PHKB: variants seen among roughly 807,000 people sequenced by gnomAD.
The protein encoded by PHKB is phosphorylase kinase regulatory subunit beta, also known as phosphorylase b kinase regulatory subunit beta.
PHKB carries 122 observed loss-of-function variants against 152.1 expected under a neutral mutation model. That is an observed-to-expected ratio of 0.80 (90% CI 0.69 to 0.93). The LOEUF is 0.93. Ranked by LOEUF, PHKB falls within the 40% of genes least tolerant of loss-of-function variation. PHKB has a pLI of 0.00. For synonymous variants in PHKB, 436 were observed against 464.9 expected (o/e 0.94, Z 0.80); for missense variants, 1,304 against 1,328.4 (o/e 0.98, Z 0.29).
intron 24 of PHKB, 29 bp from the exon 25 acceptor site, chr16:47,664,856 C>G: frequency 6.7e-7 from 1 of 1,496,096 alleles, no homozygotes; most frequent in Non-Finnish European, 9.3e-7. Flanking sequence ...TCTATTTTCC[C>G]TTTTATGGCT....
At chr16:47,530,595 C>A (rs1350649368) in intron 6 of PHKB, among the ~76,000 whole-genome samples, 1 of 152,098 alleles carries the variant, frequency 6.6e-6, no homozygotes, top group Non-Finnish European at 1.5e-5. Flanking sequence ...GAAATGAATT[C>A]TTAGATAAAC....
chr16:47,503,217 T>C (rs924960997), intron 4 of PHKB, 127 bp downstream of exon 4: 2 of 736,348 alleles, frequency 2.7e-6, no homozygotes, highest in Non-Finnish European at 4.8e-6. Flanking sequence ...TAGGGCGGCC[T>C]AGATAGGTTA....
At chr16:47,510,147 G>T (rs117830270) in intron 4 of PHKB, among the ~76,000 whole-genome samples, 1 of 152,310 alleles carries the variant, frequency 6.6e-6, no homozygotes, top group Non-Finnish European at 1.5e-5. Flanking sequence ...TATCTGGGGT[G>T]CATTACCCTC....
intron 7 of PHKB, among the ~76,000 whole-genome samples, chr16:47,576,421 A>G (rs1177044803): frequency 6.6e-6 from 1 of 152,200 alleles, no homozygotes; most frequent in African/African-American, 2.4e-5. Context: ...TCATGGTGAT[A>G]ATTCAGCTTA....
chr16:47,566,083 TGCC>T, intron 7 of PHKB: 2 of 659,904 alleles, frequency 3.0e-6, no homozygotes, highest in Admixed American at 2.4e-5. Context: ...TTTTTGCCAT[TGCC>T]TATCTGGGAA....
At chr16:47,549,692 C>T (rs540005741) in intron 7 of PHKB, among the ~76,000 whole-genome samples, 26 of 151,786 alleles carry the variant, frequency 1.7e-4, no homozygotes, top group African/African-American at 5.8e-4. Flanking sequence ...GAGACTCCAT[C>T]ACAAAAAGAA....
At chr16:47,494,185 C>T (rs1970195628) in intron 1 of PHKB, among the ~76,000 whole-genome samples, 1 of 152,150 alleles carries the variant, frequency 6.6e-6, no homozygotes, top group Non-Finnish European at 1.5e-5. Flanking sequence ...CCGATCTCAT[C>T]TAGGGTACCA....
chr16:47,670,878 T>G (rs566489099), intron 26 of PHKB, among the ~76,000 whole-genome samples: 8 of 152,036 alleles, frequency 5.3e-5, no homozygotes, highest in African/African-American at 1.9e-4. Context: ...CTTTTCAACT[T>G]TTTTTTTAAA....
chr16:47,528,059 G>T (rs1970797786), intron 6 of PHKB, among the ~76,000 whole-genome samples: 1 of 152,184 alleles, frequency 6.6e-6, no homozygotes, highest in African/African-American at 2.4e-5. Context: ...GACTTAGAAA[G>T]AAATAGAATA....
intron 14 of PHKB, among the ~76,000 whole-genome samples, chr16:47,638,217 T>TA (rs1212783401): frequency 6.6e-6 from 1 of 152,044 alleles, no homozygotes; most frequent in Non-Finnish European, 1.5e-5. Context: ...ACTAGCCATA[T>TA]AAAAAAATAG....
chr16:47,637,151 A>C (rs183764303), intron 14 of PHKB, among the ~76,000 whole-genome samples: 11 of 152,004 alleles, frequency 7.2e-5, no homozygotes, highest in Admixed American at 6.5e-5. Flanking sequence ...AGAGCTGGAC[A>C]CTCATCGGAA....
chr16:47,534,579 C>T (rs1970919365), intron 6 of PHKB, among the ~76,000 whole-genome samples: 2 of 152,024 alleles, frequency 1.3e-5, no homozygotes, highest in Admixed American at 1.3e-4. Flanking sequence ...AAACAAGATC[C>T]ACTGATAAAT....
At chr16:47,601,589 C>G (rs1180734854) in intron 13 of PHKB, among the ~76,000 whole-genome samples, 2 of 151,784 alleles carry the variant, frequency 1.3e-5, no homozygotes, top group East Asian at 3.9e-4. Context: ...CCTGTAGTCC[C>G]AATTACTCAG....
intron 20 of PHKB, 102 bp downstream of exon 20, chr16:47,651,023 G>A (rs1973228580): frequency 8.2e-6 from 7 of 850,622 alleles, no homozygotes; most frequent in South Asian, 6.9e-5. Context: ...TTGACTTAAG[G>A]TTTTATTCTC....
At chr16:47,496,189 G>T (rs889051563) in intron 1 of PHKB, among the ~76,000 whole-genome samples, 3 of 151,658 alleles carry the variant, frequency 2.0e-5, no homozygotes, top group Non-Finnish European at 2.9e-5. Context: ...AGACTATATG[G>T]TATACATTAC....
Position 47,542,005 on chromosome 16 carries a change from A to G in PHKB, c.595-5428A>G, listed in dbSNP as rs376182008. ...TGCAGAAGCTCTTTAGTTTAATTAG[A>G]TACCATTTGTCTATTTTGGCTTTTG... is the stretch of plus-strand genomic sequence containing the variant. On this transcript the variant is annotated intron_variant, in intron 6 of 30. Transcript: ENST00000323584. 3.0e-4 allele frequency among the ~76,000 whole-genome samples: 46 copies of G among 152,214 alleles called. 1 individual carries two copies. The South Asian group carries it at 9.1e-3, about 30-fold the overall frequency.
chr16:47,542,882 A>C (rs1971086479), intron 6 of PHKB, among the ~76,000 whole-genome samples: 1 of 152,224 alleles, frequency 6.6e-6, no homozygotes, highest in Non-Finnish European at 1.5e-5. Flanking sequence ...GTTGCTTATC[A>C]GCTTAAGGAG....
intron 26 of PHKB, among the ~76,000 whole-genome samples, chr16:47,683,177 G>T (rs370415082): frequency 1.3e-5 from 2 of 152,316 alleles, no homozygotes; most frequent in South Asian, 4.1e-4. Context: ...TGCCCCTACT[G>T]GGGGGTGCCT....
chr16:47,564,084 G>T (rs1402494545), intron 7 of PHKB, among the ~76,000 whole-genome samples: 2 of 150,500 alleles, frequency 1.3e-5, no homozygotes, highest in Non-Finnish European at 2.9e-5. Flanking sequence ...GGGTTGATAG[G>T]CACTTAAGTT....
Sources: allele counts gnomAD v4.1 joint callset (sites outside exome capture counted in the v4.1 genomes callset), GRCh38; gene constraint gnomAD v4.1.1; transcripts MANE v1.5; gene names NCBI Gene and HGNC (gene_info 2026-07-23, HGNC 2026-07-21).